BEND6: variants seen among roughly 807,000 people sequenced by gnomAD.
The protein encoded by BEND6 is BEN domain-containing protein 6.
In BEND6, 24 loss-of-function variants were observed where a neutral mutation model predicts 31.8. The ratio of observed to expected loss-of-function variants is 0.75; its 90% confidence interval spans 0.55 to 1.06. BEND6 has a LOEUF of 1.06. Ranked by LOEUF, BEND6 falls within the 50% of genes least tolerant of loss-of-function variation. The probability of loss-of-function intolerance (pLI) is 0.00; values close to 1 mark genes in which losing one functional copy is unlikely to be tolerated. For missense variants in BEND6, 294 were observed against 327.4 expected, an observed-to-expected ratio of 0.90 and a Z score of 0.79; for synonymous variants, 109 against 114.6, an observed-to-expected ratio of 0.95 and a Z score of 0.31.
Position 57,017,290 on chromosome 6 carries a change from C to A in BEND6, c.603C>A (p.Tyr201Ter). The change falls in exon 5 of 7, where the codon TAC (tyrosine) becomes TAA (stop). Residue 201 changes from tyrosine to a stop codon, truncating the protein, a stop_gained. Transcript: ENST00000370746. LOFTEE classifies it high-confidence loss of function. ...TTAATGATTTAATGCAAGTACTTTA[C>A]ACAAATGAATACATGGCCACTCACA... ...KFINDLMQVL[Y>*]TNEYMATHSL... 3.2e-6 allele frequency: 5 copies of A among 1,543,562 alleles called. No individual in the cohort carries two copies. Among genetic ancestry groups the A allele is most frequent in the Non-Finnish European group, 4.4e-6 (5 of 1,145,158 alleles).
intron 1 of BEND6, among the ~76,000 whole-genome samples, chr6:56,966,909 C>CA (rs907368575): frequency 2.6e-4 from 39 of 151,448 alleles, no homozygotes; most frequent in Non-Finnish European, 4.4e-4. Context: ...AAGAAAAGAG[C>CA]AAAAAAAATA....
chr6:56,962,122 TTC>T (rs1474280543), intron 1 of BEND6, among the ~76,000 whole-genome samples: 2 of 152,060 alleles, frequency 1.3e-5, no homozygotes, highest in Non-Finnish European at 2.9e-5. Flanking sequence ...CTCTCTCTCT[TTC>T]TCTCTCTCAT....
chr6:57,003,314 A>G (rs1446896445), intron 3 of BEND6, among the ~76,000 whole-genome samples: 1 of 152,160 alleles, frequency 6.6e-6, no homozygotes, highest in Non-Finnish European at 1.5e-5. Flanking sequence ...AGCTGGGGCA[A>G]CAACACAAGA....
At chr6:56,973,537 A>G (rs565942567) in intron 1 of BEND6, among the ~76,000 whole-genome samples, 21 of 152,342 alleles carry the variant, frequency 1.4e-4, no homozygotes, top group Non-Finnish European at 4.4e-5. Context: ...AACAATTATA[A>G]TGATATACTG....
intron 2 of BEND6, among the ~76,000 whole-genome samples, chr6:56,988,544 A>G (rs2127859262): frequency 6.6e-6 from 1 of 152,296 alleles, no homozygotes; most frequent in East Asian, 1.9e-4. Flanking sequence ...TATTCTCTAT[A>G]TATTGCCTCA....
chr6:56,976,460 G>A (rs1825879682), intron 1 of BEND6, among the ~76,000 whole-genome samples: 1 of 152,152 alleles, frequency 6.6e-6, no homozygotes, highest in African/African-American at 2.4e-5. Flanking sequence ...CTCCCAAAGT[G>A]CTGGGATTAC....
intron 2 of BEND6, among the ~76,000 whole-genome samples, chr6:56,984,837 A>T (rs1034707113): frequency 2.6e-5 from 4 of 152,224 alleles, no homozygotes; most frequent in Non-Finnish European, 5.9e-5. Flanking sequence ...GGATCCCATT[A>T]TCTGTCAAGA....
chr6:56,977,597 T>G (rs890458870), intron 1 of BEND6, among the ~76,000 whole-genome samples: 9 of 152,174 alleles, frequency 5.9e-5, no homozygotes, highest in African/African-American at 2.2e-4. Flanking sequence ...GTTGAACCAT[T>G]ATGTGTATTT....
chr6:57,024,096 C>T (rs1271482949), intron 6 of BEND6, among the ~76,000 whole-genome samples: 2 of 152,100 alleles, frequency 1.3e-5, no homozygotes, highest in South Asian at 4.1e-4. Flanking sequence ...CTTAGGTCTA[C>T]GGTTTAATTG....
chr6:56,972,959 TTCTC>T (rs1180776155), intron 1 of BEND6, among the ~76,000 whole-genome samples: 1 of 151,854 alleles, frequency 6.6e-6, no homozygotes, highest in Admixed American at 6.6e-5. Context: ...AGATAGACAT[TTCTC>T]TCTCTCTCTT....
rs1827915509 is a variant in BEND6, at chr6:57,026,754, A to T, written c.*682A>T. On this transcript the variant is annotated 3_prime_UTR_variant, in exon 7 of 7. Coordinates refer to ENST00000370746, the MANE Select transcript of BEND6 (RefSeq NM_152731.3). ...AATTCCACCACACTTCTGAAGAATA[A>T]ACCTAAGTTTTTGTGATTGTTAAAA... 1 of 152,208 alleles carries T rather than the reference A, an allele frequency of 6.6e-6. No homozygotes were observed. Among genetic ancestry groups the T allele is most frequent in the African/African-American group, 2.4e-5 (1 of 41,462 alleles). The allele number at this position is 152,208 out of a possible 1,614,324, so 9.4% of individuals were successfully genotyped here.
At chr6:56,995,219 A>AT (rs200492961) in intron 3 of BEND6, among the ~76,000 whole-genome samples, 31 of 149,326 alleles carry the variant, frequency 2.1e-4, no homozygotes, top group African/African-American at 3.0e-4. Context: ...TATTTCTCCC[A>AT]TTTAAAAAAA....
At chr6:57,003,817 A>G (rs1440607513) in intron 3 of BEND6, among the ~76,000 whole-genome samples, 1 of 152,234 alleles carries the variant, frequency 6.6e-6, no homozygotes, top group Non-Finnish European at 1.5e-5. Flanking sequence ...CAGCACATCA[A>G]AAAGTTAATT....
chr6:57,022,394 G>A (rs1245508666), intron 6 of BEND6, among the ~76,000 whole-genome samples: 1 of 151,022 alleles, frequency 6.6e-6, no homozygotes, highest in East Asian at 1.9e-4. Context: ...TTTCTTCTAG[G>A]TTTTCCAATT....
chr6:57,013,165 A>C (rs1827403885), intron 3 of BEND6, among the ~76,000 whole-genome samples: 1 of 152,218 alleles, frequency 6.6e-6, no homozygotes, highest in Non-Finnish European at 1.5e-5. Flanking sequence ...CCCCACTGCC[A>C]AGAGTGCCTA....
At chr6:56,979,482 C>T (rs1449576435) in intron 1 of BEND6, among the ~76,000 whole-genome samples, 2 of 152,058 alleles carry the variant, frequency 1.3e-5, no homozygotes, top group Non-Finnish European at 2.9e-5. Context: ...GGATTAACAT[C>T]AATATATGCC....
chr6:56,994,336 G>A (rs938168987), intron 3 of BEND6, among the ~76,000 whole-genome samples: 13 of 151,664 alleles, frequency 8.6e-5, no homozygotes, highest in Non-Finnish European at 1.6e-4. Flanking sequence ...GCGGGCACCT[G>A]TAGTCCCAGC....
chr6:56,987,464 T>C (rs928025692), intron 2 of BEND6, among the ~76,000 whole-genome samples: 2 of 152,218 alleles, frequency 1.3e-5, no homozygotes, highest in African/African-American at 4.8e-5. Context: ...CATGTTGCCC[T>C]GATGCTGAAC....
intron 3 of BEND6, among the ~76,000 whole-genome samples, chr6:57,011,135 A>G (rs567384844): frequency 5.2e-4 from 79 of 152,338 alleles, no homozygotes; most frequent in Non-Finnish European, 8.8e-4. Flanking sequence ...ACTTCACAGT[A>G]CTTAAATAAT....
Sources: allele counts gnomAD v4.1 joint callset (sites outside exome capture counted in the v4.1 genomes callset), GRCh38; gene constraint gnomAD v4.1.1; transcripts MANE v1.5; gene names NCBI Gene and HGNC (gene_info 2026-07-23, HGNC 2026-07-21).